TRPM7: variants seen among roughly 807,000 people sequenced by gnomAD.
TRPM7 encodes transient receptor potential cation channel subfamily M member 7.
Under a neutral mutation model 229.7 loss-of-function variants are expected in TRPM7, and 134 were observed. That is an observed-to-expected ratio of 0.58 (90% CI 0.51 to 0.67). The LOEUF is 0.67. TRPM7 is among the 30% of genes least tolerant of loss of function. The pLI is 0.00. For synonymous variants in TRPM7, 699 were observed against 715.2 expected (o/e 0.98, Z 0.36); for missense variants, 1,901 against 2,210.0 (o/e 0.86, Z 2.80).
intron 1 of TRPM7, among the ~76,000 whole-genome samples, chr15:50,666,289 T>G (rs185471026): frequency 4.3e-4 from 65 of 150,202 alleles, no homozygotes; most frequent in African/African-American, 1.5e-3. Context: ...ATACAAAAAA[T>G]TAGCCAAGCA....
At chr15:50,562,149 G>C (rs931784508) in intron 38 of TRPM7, among the ~76,000 whole-genome samples, 6 of 152,198 alleles carry the variant, frequency 3.9e-5, no homozygotes, top group African/African-American at 1.4e-4. Flanking sequence ...ACCTGCCTCG[G>C]CCTCCCAAAG....
chr15:50,589,861 T>TGTTTTTC (rs1356742485), intron 26 of TRPM7, among the ~76,000 whole-genome samples: 1 of 151,300 alleles, frequency 6.6e-6, no homozygotes, highest in Non-Finnish European at 1.5e-5. Context: ...TTTTGTTTTT[T>TGTTTTTC]GTTTTTTTAA....
intron 1 of TRPM7, among the ~76,000 whole-genome samples, chr15:50,671,118 C>T (rs890784784): frequency 3.3e-5 from 5 of 152,134 alleles, no homozygotes; most frequent in African/African-American, 1.2e-4. Flanking sequence ...TGTTATTTAG[C>T]GTAGTCACCA....
intron 38 of TRPM7, among the ~76,000 whole-genome samples, chr15:50,566,275 A>G (rs1208236082): frequency 6.6e-6 from 1 of 152,240 alleles, no homozygotes; most frequent in African/African-American, 2.4e-5. Context: ...TACATCAAAG[A>G]GGAATAACAA....
intron 4 of TRPM7, among the ~76,000 whole-genome samples, chr15:50,644,388 A>C (rs1168472840): frequency 2.0e-5 from 3 of 152,238 alleles, no homozygotes; most frequent in Non-Finnish European, 4.4e-5. Context: ...AAGAAACTTC[A>C]AGTATTCAGA....
Position 50,619,810 on chromosome 15 carries a change from A to G in TRPM7, c.1441-12T>C. ...GTTGGACCTTGTTTCTTTAGGGAGAAAAAGTTACAGCAAACTATTATTTTT... is the reference window on the plus strand; with the variant it reads ...GTTGGACCTTGTTTCTTTAGGGAGAGAAAGTTACAGCAAACTATTATTTTT... On this transcript the variant is annotated splice_polypyrimidine_tract_variant and intron_variant, in intron 12 of 38. Transcript: ENST00000646667. 6.3e-7 allele frequency: 1 copy of G among 1,596,366 alleles called. No individual in the cohort carries two copies. The highest frequency in any genetic ancestry group is 1.8e-5 in the Admixed American group (1 of 55,790).
chr15:50,613,864 T>G, intron 14 of TRPM7, 23 bp from the exon 15 acceptor site: 2 of 1,601,242 alleles, frequency 1.2e-6, no homozygotes, highest in Non-Finnish European at 1.7e-6. Flanking sequence ...TCTTATTAGC[T>G]TTTATAGATT....
intron 19 of TRPM7, among the ~76,000 whole-genome samples, chr15:50,607,882 A>G (rs1201398992): frequency 8.5e-6 from 1 of 117,322 alleles, no homozygotes; most frequent in East Asian, 2.5e-4. Context: ...CTCCATCTCT[A>G]CTGAAAAAAA....
In TRPM7 at chr15:50,561,463, C is replaced by T; in HGVS notation, c.*215G>A. ...GTTATAAATACTAATTATCAATTAC[C>T]TTTAAAATTTCTCAGCTGCCAGCTC... On this transcript the variant is annotated 3_prime_UTR_variant, in exon 39 of 39. Coordinates refer to ENST00000646667, the MANE Select transcript of TRPM7 (RefSeq NM_017672.6). The T allele has an allele frequency of 2.1e-6, 1 of 477,094 alleles. No individual in the cohort carries two copies. Among genetic ancestry groups the T allele is most frequent in the African/African-American group, 2.0e-5 (1 of 49,628 alleles). The allele number at this position is 477,094 out of a possible 1,614,324, so 29.6% of individuals were successfully genotyped here. A position where few individuals can be genotyped will look rare whatever the true frequency, so the allele number is the denominator to read the frequency against.
intron 26 of TRPM7, among the ~76,000 whole-genome samples, chr15:50,590,375 T>C (rs2059456120): frequency 6.6e-6 from 1 of 152,116 alleles, no homozygotes; most frequent in South Asian, 2.1e-4. Context: ...AACAAAAATA[T>C]TTTGGCAATA....
At chr15:50,648,364 A>G (rs1347211520) in intron 4 of TRPM7, among the ~76,000 whole-genome samples, 1 of 152,242 alleles carries the variant, frequency 6.6e-6, no homozygotes, top group Non-Finnish European at 1.5e-5. Context: ...AATACACAGC[A>G]GACAACATTT....
chr15:50,658,926 C>T (rs1596322989), intron 2 of TRPM7, among the ~76,000 whole-genome samples: 1 of 152,138 alleles, frequency 6.6e-6, no homozygotes. Context: ...TGGCCAGGCG[C>T]AGTGGCTCAC....
At chr15:50,571,025 C>G (rs1038412530) in intron 36 of TRPM7, among the ~76,000 whole-genome samples, 2 of 152,042 alleles carry the variant, frequency 1.3e-5, no homozygotes, top group Non-Finnish European at 2.9e-5. Context: ...TGATTAAATC[C>G]TTCCAGTCTC....
chr15:50,575,079 T>A lies in TRPM7; in HGVS notation c.4792A>T (p.Ser1598Cys). 6.2e-7 allele frequency: 1 copy of A among 1,614,114 alleles called. No homozygotes were observed. The highest frequency in any genetic ancestry group is 8.5e-7 in the Non-Finnish European group (1 of 1,179,972). ...EESSPNILNN[S>C]MSSWSQLGLC... Reference sequence around the variant, plus strand: ...CCTAGTTGTGACCAAGAAGACATGCTGTTATTTAGTATGTTGGGTGAACTC... The same window carrying A: ...CCTAGTTGTGACCAAGAAGACATGCAGTTATTTAGTATGTTGGGTGAACTC... The change falls in exon 34 of 39, where the codon AGC (serine) becomes TGC (cysteine). Residue 1598 changes from serine to cysteine, a missense_variant. Ser to Cys is a moderately radical substitution (Grantham distance 112, BLOSUM62 -1). Transcript: ENST00000646667.
At chr15:50,570,705 T>C (rs1007274799) in intron 36 of TRPM7, among the ~76,000 whole-genome samples, 9 of 142,654 alleles carry the variant, frequency 6.3e-5, no homozygotes, top group Admixed American at 1.4e-4. Context: ...AAAAAAAAGT[T>C]AGCCGGACAT....
chr15:50,568,111 CAA>C (rs57093955), intron 38 of TRPM7, among the ~76,000 whole-genome samples: 15,336 of 81,438 alleles, frequency 0.19, 671 homozygotes, highest in Admixed American at 0.26. Flanking sequence ...GACTCTGTCT[CAA>C]AAAAAAAAAA....
intron 21 of TRPM7, among the ~76,000 whole-genome samples, chr15:50,602,585 T>G (rs1316989758): frequency 6.6e-6 from 1 of 152,140 alleles, no homozygotes; most frequent in African/African-American, 2.4e-5. Context: ...ACGTAACAAT[T>G]TATCATATTT....
chr15:50,604,796 T>C (rs2059879253), intron 21 of TRPM7, 70 bp downstream of exon 21: 6 of 1,405,908 alleles, frequency 4.3e-6, no homozygotes, highest in Non-Finnish European at 5.7e-6. Flanking sequence ...AAAACTATGT[T>C]AATAACATTT....
At chr15:50,608,014 C>T (rs2059965022) in intron 19 of TRPM7, among the ~76,000 whole-genome samples, 1 of 134,548 alleles carries the variant, frequency 7.4e-6, no homozygotes, top group South Asian at 2.4e-4. Context: ...GAGATCATGC[C>T]ATTGTACTCT....
Sources: allele counts gnomAD v4.1 joint callset (sites outside exome capture counted in the v4.1 genomes callset), GRCh38; gene constraint gnomAD v4.1.1; transcripts MANE v1.5; gene names NCBI Gene and HGNC (gene_info 2026-07-23, HGNC 2026-07-21).